KCNN2: variants seen among roughly 807,000 people sequenced by gnomAD.
KCNN2 encodes the protein small conductance calcium-activated potassium channel protein 2.
Under a neutral mutation model 55.5 loss-of-function variants are expected in KCNN2, and 24 were observed. The ratio of observed to expected loss-of-function variants is 0.43; its 90% CI spans 0.31 to 0.61. The LOEUF (loss-of-function observed/expected upper bound fraction) is 0.61. KCNN2 is among the 20% of genes least tolerant of loss of function. The pLI is 0.08. For missense variants in KCNN2, 754 were observed against 853.6 expected (o/e 0.88, Z 1.45); for synonymous variants, 431 against 336.1 (o/e 1.28, Z -3.09).
At position 114,444,914 on chromosome 5, in the gene KCNN2, A is replaced by G. The variant is rs1033095164; in HGVS notation, c.1638-18135A>G. ...GAAAAAATTTTTCTCCTTGCACCCCACATTGCATCAAGTACAGTGATTTGC... is the reference window on the plus strand; with the variant it reads ...GAAAAAATTTTTCTCCTTGCACCCCGCATTGCATCAAGTACAGTGATTTGC... On this transcript the variant is annotated intron_variant, in intron 3 of 7. Transcript: ENST00000673685. Among the ~76,000 whole-genome samples the G allele has an allele frequency of 2.6e-5, 4 of 152,114 alleles. No individual in the cohort carries two copies. The East Asian group carries it at 5.8e-4, about 22-fold the overall frequency.
intron 5 of KCNN2, chr5:114,486,775 G>C: frequency 7.6e-7 from 1 of 1,312,666 alleles, no homozygotes; most frequent in Non-Finnish European, 9.9e-7. Flanking sequence ...AAAAAAAATA[G>C]TTGAATAAAA....
chr5:114,278,892 C>T (rs1166510525), intron 2 of KCNN2, among the ~76,000 whole-genome samples: 1 of 152,156 alleles, frequency 6.6e-6, no homozygotes, highest in Non-Finnish European at 1.5e-5. Flanking sequence ...TCCAACCAGA[C>T]TCAATGAGAT....
chr5:114,424,411 A>AT (rs1759558092), intron 3 of KCNN2, among the ~76,000 whole-genome samples: 1 of 152,230 alleles, frequency 6.6e-6, no homozygotes, highest in South Asian at 2.1e-4. Context: ...AAGAGATACT[A>AT]TATTTTTAAA....
chr5:114,259,312 G>A (rs1267988825), intron 2 of KCNN2, among the ~76,000 whole-genome samples: 1 of 152,208 alleles, frequency 6.6e-6, no homozygotes, highest in Non-Finnish European at 1.5e-5. Context: ...GGTCCAGCCA[G>A]CCCTGTACAG....
intron 3 of KCNN2, among the ~76,000 whole-genome samples, chr5:114,427,953 A>G (rs1299080852): frequency 6.6e-6 from 1 of 152,212 alleles, no homozygotes; most frequent in Non-Finnish European, 1.5e-5. Flanking sequence ...TGTGAGATCA[A>G]AACACATCAT....
chr5:114,382,050 C>T (rs1758140655), intron 2 of KCNN2, among the ~76,000 whole-genome samples: 1 of 152,138 alleles, frequency 6.6e-6, no homozygotes, highest in Non-Finnish European at 1.5e-5. Context: ...GATTGTTATC[C>T]TGTTAATGGA....
At chr5:114,404,925 T>A (rs563801774) in intron 3 of KCNN2, 69 bp downstream of exon 3, 72 of 1,333,940 alleles carry the variant, frequency 5.4e-5, no homozygotes, top group South Asian at 3.3e-4. Context: ...AAAAAAAAAA[T>A]TTTAGACTTG....
intron 1 of KCNN2, among the ~76,000 whole-genome samples, chr5:114,164,833 A>T (rs1019349025): frequency 6.6e-6 from 1 of 152,214 alleles, no homozygotes; most frequent in Non-Finnish European, 1.5e-5. Flanking sequence ...AAGGCTTTTT[A>T]TACTAAGATT....
At chr5:114,116,068 C>A (rs941046835) in intron 1 of KCNN2, among the ~76,000 whole-genome samples, 1 of 152,030 alleles carries the variant, frequency 6.6e-6, no homozygotes, top group Non-Finnish European at 1.5e-5. Context: ...CAGAGTTTAG[C>A]GAGCAGAAGA....
At chr5:114,300,401 A>T (rs1756130718) in intron 2 of KCNN2, among the ~76,000 whole-genome samples, 1 of 152,194 alleles carries the variant, frequency 6.6e-6, no homozygotes, top group Admixed American at 6.5e-5. Context: ...TTAGAGTGAA[A>T]TCATAATTAA....
chr5:114,150,948 G>T (rs574337543), intron 1 of KCNN2, among the ~76,000 whole-genome samples: 110 of 152,260 alleles, frequency 7.2e-4, no homozygotes, highest in African/African-American at 2.6e-3. Flanking sequence ...TTGAACCCGG[G>T]AGGCAGAGGT....
intron 1 of KCNN2, among the ~76,000 whole-genome samples, chr5:114,209,405 A>G (rs533125977): frequency 2.0e-5 from 3 of 151,634 alleles, no homozygotes; most frequent in Admixed American, 1.3e-4. Flanking sequence ...AAGCATTTTC[A>G]TTGGTTTTGG....
intron 1 of KCNN2, among the ~76,000 whole-genome samples, chr5:114,164,303 G>A (rs1230809341): frequency 6.6e-6 from 1 of 152,102 alleles, no homozygotes; most frequent in East Asian, 1.9e-4. Flanking sequence ...AGTGTTAAGA[G>A]AAATATTAAT....
intron 2 of KCNN2, among the ~76,000 whole-genome samples, chr5:114,394,515 G>T (rs994773412): frequency 2.6e-5 from 4 of 152,172 alleles, no homozygotes; most frequent in African/African-American, 9.7e-5. Flanking sequence ...TGCATTAAAA[G>T]ATAAGATGCA....
chr5:114,410,276 C>T (rs1281523950), intron 3 of KCNN2, among the ~76,000 whole-genome samples: 21 of 152,130 alleles, frequency 1.4e-4, no homozygotes, highest in Non-Finnish European at 2.9e-5. Flanking sequence ...GTAAAGATAG[C>T]GTACGTAGGC....
At chr5:114,204,165 A>T (rs28508274) in intron 1 of KCNN2, among the ~76,000 whole-genome samples, 1 of 152,100 alleles carries the variant, frequency 6.6e-6, no homozygotes, top group Non-Finnish European at 1.5e-5. Context: ...AAAAGTGGTA[A>T]GGAAAATCAG....
intron 1 of KCNN2, among the ~76,000 whole-genome samples, chr5:114,206,907 T>C (rs1462579643): frequency 2.0e-5 from 3 of 152,180 alleles, no homozygotes; most frequent in Non-Finnish European, 4.4e-5. Context: ...GCTAATCGAT[T>C]GACTAGCCTG....
chr5:114,162,239 AG>A (rs1752802266), intron 1 of KCNN2, among the ~76,000 whole-genome samples: 1 of 152,194 alleles, frequency 6.6e-6, no homozygotes, highest in Non-Finnish European at 1.5e-5. Flanking sequence ...CCTCAGCTGC[AG>A]GTCTGTTGGA....
chr5:114,379,592 CAT>C lies in KCNN2; in HGVS notation c.1218+15594_1218+15595del, dbSNP rs1170104856. Among the ~76,000 whole-genome samples the C allele has an allele frequency of 9.2e-4, 74 of 80,104 alleles. 9 individuals are homozygous for C. Among genetic ancestry groups the C allele is most frequent in the Non-Finnish European group, 1.2e-3 (57 of 46,524 alleles). 52.6% of individuals were successfully genotyped at this position (80,104 alleles called of 152,430 possible). ...ATATATTATAGAATATATTATATAA[CAT>C]ATTATATATTTTAGAATATATTATA... On this transcript the variant is annotated intron_variant, in intron 2 of 7. Coordinates refer to ENST00000673685, the MANE Select transcript of KCNN2 (RefSeq NM_021614.4).
Sources: gnomAD v4.1 joint callset for allele counts (sites outside exome capture counted in the v4.1 genomes callset) on GRCh38, gnomAD v4.1.1 for gene constraint, MANE v1.5 for transcripts, NCBI Gene and HGNC (gene_info 2026-07-23, HGNC 2026-07-21) for gene names.